RNF130: variants seen among roughly 807,000 people sequenced by gnomAD.
RNF130 encodes the protein ring finger protein 130, also known as E3 ubiquitin-protein ligase RNF130.
RNF130 carries 21 observed loss-of-function variants against 44.6 expected under a neutral mutation model. The observed-to-expected ratio is 0.47, with a 90% CI of 0.33 to 0.68. The LOEUF (loss-of-function observed/expected upper bound fraction) is 0.68, where lower values mean the gene tolerates loss of function less well. Among genes scored for constraint, RNF130 ranks in the 30% least tolerant of loss-of-function variants. The pLI is 0.02. For missense variants in RNF130, 479 were observed against 560.6 expected (o/e 0.85, Z 1.47); for synonymous variants, 214 against 210.4 (o/e 1.02, Z -0.15).
chr5:180,048,232 AG>A (rs1439382457), intron 1 of RNF130, among the ~76,000 whole-genome samples: 2 of 152,160 alleles, frequency 1.3e-5, no homozygotes, highest in Non-Finnish European at 2.9e-5. Context: ...ATGAGTTAAT[AG>A]GAGTTCTCCA....
chr5:179,981,490 C>G (rs184252473), intron 3 of RNF130, among the ~76,000 whole-genome samples: 11 of 152,260 alleles, frequency 7.2e-5, no homozygotes, highest in Non-Finnish European at 1.0e-4. Context: ...TTTAATAAAG[C>G]CTTCCCTATG....
At chr5:179,923,274 C>A (rs938455694) in intron 7 of RNF130, among the ~76,000 whole-genome samples, 12 of 151,926 alleles carry the variant, frequency 7.9e-5, no homozygotes, top group Non-Finnish European at 2.9e-5. Context: ...CCAATTGTTC[C>A]GTCGTCGATT....
intron 3 of RNF130, among the ~76,000 whole-genome samples, chr5:180,004,070 C>T (rs1400182466): frequency 1.3e-5 from 2 of 152,090 alleles, no homozygotes; most frequent in East Asian, 3.9e-4. Context: ...ATAATTTGCC[C>T]ACATCAAAGG....
chr5:180,007,879 C>A lies in RNF130; in HGVS notation c.693+5182G>T, dbSNP rs1034176624. On this transcript the variant is annotated intron_variant, in intron 3 of 8. Transcript: ENST00000521389. ...CAACGTCCTCAGGGTGAGCTACACC[C>A]AGTCCACTAACACAGGCTTGCCTGT... 1.1e-4 allele frequency among the ~76,000 whole-genome samples: 16 copies of A among 152,288 alleles called. No homozygotes were observed. In the East Asian group the frequency reaches 2.7e-3, roughly 26 times the overall value.
At chr5:179,970,060 TG>T (rs1388165330) in intron 6 of RNF130, among the ~76,000 whole-genome samples, 2 of 151,804 alleles carry the variant, frequency 1.3e-5, no homozygotes, top group Non-Finnish European at 2.9e-5. Flanking sequence ...GAAGGCGAGG[TG>T]GGAGGACTGC....
intron 8 of RNF130, among the ~76,000 whole-genome samples, chr5:179,959,275 C>T (rs2113696388): frequency 6.6e-6 from 1 of 152,240 alleles, no homozygotes; most frequent in African/African-American, 2.4e-5. Flanking sequence ...CAAGCATCCC[C>T]AAGACATCAA....
intron 7 of RNF130, among the ~76,000 whole-genome samples, chr5:179,928,041 C>T (rs1027223793): frequency 6.6e-6 from 1 of 152,286 alleles, no homozygotes; most frequent in African/African-American, 2.4e-5. Context: ...TTTTCACCGC[C>T]GCATCATGTT....
intron 2 of RNF130, among the ~76,000 whole-genome samples, chr5:180,039,112 C>G (rs890732155): frequency 6.6e-6 from 1 of 152,170 alleles, no homozygotes; most frequent in Admixed American, 6.5e-5. Context: ...AGTTACACGA[C>G]CCCAGTGATC....
At chr5:180,005,803 T>C (rs1763452196) in intron 3 of RNF130, among the ~76,000 whole-genome samples, 1 of 152,226 alleles carries the variant, frequency 6.6e-6, no homozygotes, top group Non-Finnish European at 1.5e-5. Context: ...GCATCTGTCA[T>C]TGCAACAGAA....
chr5:180,070,368 A>G (rs1765222080), intron 1 of RNF130, among the ~76,000 whole-genome samples: 1 of 152,256 alleles, frequency 6.6e-6, no homozygotes, highest in African/African-American at 2.4e-5. Flanking sequence ...GACAGGCTAC[A>G]GTAAAAGCCT....
chr5:180,063,519 T>C (rs1181884067), intron 1 of RNF130, among the ~76,000 whole-genome samples: 1 of 152,158 alleles, frequency 6.6e-6, no homozygotes, highest in Non-Finnish European at 1.5e-5. Flanking sequence ...TGGAGATGTC[T>C]TTGTGACACT....
rs147104389 is a variant in RNF130 at position 180,055,482 on chromosome 5, G to A, written c.248-14835C>T. Among the ~76,000 whole-genome samples the A allele has an allele frequency of 1.1e-3, 163 of 151,950 alleles. 1 individual carries two copies. The highest frequency in any genetic ancestry group is 1.7e-3 in the Non-Finnish European group (113 of 67,964). The stretch of plus-strand genomic sequence containing the variant: ...TGTGTGTGTGTGTGCGCGCGCGCAC[G>A]CGTATGTGTCTGTGTGTCTGTCTGT... On this transcript the variant is annotated intron_variant, in intron 1 of 8. Transcript: ENST00000521389.
chr5:179,919,525 G>A (rs466904), exon 8 of RNF130: 69,287 of 151,918 alleles, frequency 0.46, 16,385 homozygotes, highest in East Asian at 0.75. Context: ...GGGCTCCCAG[G>A]TGCCACCTCC....
Position 179,977,992 on chromosome 5 carries a change from C to A in RNF130, c.848+211G>T, listed in dbSNP as rs1337344508. Among the ~76,000 whole-genome samples, 1 of 152,252 alleles carries A rather than the reference C, an allele frequency of 6.6e-6. No homozygotes were observed. Among genetic ancestry groups the A allele is most frequent in the African/African-American group, 2.4e-5 (1 of 41,462 alleles). Reference sequence around the variant, plus strand: ...GGCCGCGTGCCACATCGCATATTGGCTACACCTCGGAAGGCCGTGCAGCCC... The same window carrying A: ...GGCCGCGTGCCACATCGCATATTGGATACACCTCGGAAGGCCGTGCAGCCC... On this transcript the variant is annotated intron_variant, in intron 5 of 8. Transcript: ENST00000521389. This position sits in a 1 kb window ranked among gnomAD's most constrained non-coding sequence, Gnocchi z 4.1.
chr5:180,017,679 C>T (rs1482412987), intron 2 of RNF130, among the ~76,000 whole-genome samples: 1 of 152,044 alleles, frequency 6.6e-6, no homozygotes, highest in Non-Finnish European at 1.5e-5. Context: ...AGCCCCCCAT[C>T]CCCATCAATT....
intron 2 of RNF130, among the ~76,000 whole-genome samples, chr5:180,026,586 G>A (rs1396920887): frequency 6.6e-6 from 1 of 152,198 alleles, no homozygotes; most frequent in African/African-American, 2.4e-5. Flanking sequence ...CAGTCACCAG[G>A]TGAAGGGCAT....
At chr5:179,948,932 A>T (rs1305277286) in intron 7 of RNF130, among the ~76,000 whole-genome samples, 1 of 149,134 alleles carries the variant, frequency 6.7e-6, no homozygotes, top group East Asian at 2.0e-4. Flanking sequence ...TCAACTTCTG[A>T]CCAACCTGGC....
chr5:179,965,335 G>GGCTTCGGA (rs778498847), intron 7 of RNF130, among the ~76,000 whole-genome samples: 12 of 152,186 alleles, frequency 7.9e-5, no homozygotes, highest in Non-Finnish European at 2.9e-5. Context: ...CGGTGCCCAG[G>GGCTTCGGA]GCTTCGGAGG....
chr5:180,028,874 T>C (rs907215036), intron 2 of RNF130, among the ~76,000 whole-genome samples: 1 of 152,198 alleles, frequency 6.6e-6, no homozygotes, highest in Non-Finnish European at 1.5e-5. Context: ...TTTTTTAAAG[T>C]GCCAATCTCA....
Sources: gnomAD v4.1 joint callset for allele counts (sites outside exome capture counted in the v4.1 genomes callset) on GRCh38, gnomAD v4.1.1 for gene constraint, Gnocchi (gnomAD v3.1) non-coding constraint, MANE v1.5 for transcripts, NCBI Gene and HGNC (gene_info 2026-07-23, HGNC 2026-07-21) for gene names.